Variants in PLS3 observed in about 807,000 individuals in gnomAD.
PLS3 encodes the protein plastin-3.
Under a neutral mutation model 46.5 loss-of-function variants are expected in PLS3, and 11 were observed. The observed-to-expected ratio is 0.24, with a 90% confidence interval of 0.15 to 0.39. PLS3 has a LOEUF of 0.39. Ranked by LOEUF, PLS3 falls within the 10% of genes least tolerant of loss-of-function variation. PLS3 has a pLI of 1.00. For missense variants in PLS3, 308 were observed against 461.8 expected (o/e 0.67, Z 3.05); for synonymous variants, 167 against 162.2 (o/e 1.03, Z -0.22).
intron 2 of PLS3, among the ~76,000 whole-genome samples, chrX:115,611,238 TG>T (rs782570486): frequency 8.8e-6 from 1 of 113,119 alleles, no homozygotes; most frequent in Non-Finnish European, 1.9e-5. Flanking sequence ...GTAGTAGCAG[TG>T]TACCTTGGGA....
Position 115,643,347 on chromosome X carries a change from T to C in PLS3, c.1022T>C (p.Leu341Pro). Residue 341 changes from leucine to proline, a missense_variant, in exon 10 of 16, where the codon CTT becomes CCT. By Grantham distance (98) the Leu-to-Pro change is moderately conservative (BLOSUM62 -3). This residue lies in a region of PLS3 where 271 missense variants were observed against 435.7 expected (regional missense o/e 0.62). Coordinates refer to ENST00000355899, the MANE Select transcript of PLS3 (RefSeq NM_005032.7). ...TDDLKRAESMLQQADKLGCRQ... is the reference protein window; with the variant it reads ...TDDLKRAESMPQQADKLGCRQ... ...GATTTGAAGAGAGCTGAGAGTATGC[T>C]TCAACAAGCAGATAAATTAGGTTGC... The C allele has an allele frequency of 8.3e-7, 1 of 1,201,154 alleles. No homozygotes were observed. The highest frequency in any genetic ancestry group is 1.1e-6 in the Non-Finnish European group (1 of 886,565).
At chrX:115,645,990 G>C (rs909125589) in intron 11 of PLS3, 82 bp from the exon 12 acceptor site, 3 of 528,291 alleles carry the variant, frequency 5.7e-6, no homozygotes, top group Non-Finnish European at 1.0e-5. Context: ...TATCTTGTTT[G>C]ACAATGTAGT....
intron 11 of PLS3, among the ~76,000 whole-genome samples, chrX:115,645,651 C>T (rs997298263): frequency 2.7e-5 from 3 of 111,511 alleles, no homozygotes; most frequent in Non-Finnish European, 3.8e-5. Context: ...TCAAAGATTT[C>T]CTGACTACCA....
chrX:115,632,811 C>T (rs1276892327), intron 5 of PLS3, among the ~76,000 whole-genome samples: 6 of 110,063 alleles, frequency 5.5e-5, no homozygotes, highest in Non-Finnish European at 1.1e-4. Context: ...GGCTCACTAC[C>T]GCCATGACCT....
intron 3 of PLS3, among the ~76,000 whole-genome samples, chrX:115,624,152 C>A (rs1256867443): frequency 9.9e-6 from 1 of 100,686 alleles, no homozygotes; most frequent in Non-Finnish European, 2.0e-5. Context: ...TCGCCTGAAC[C>A]AGGGAGTCGG....
chrX:115,593,746 T>C (rs1011660424), intron 1 of PLS3: 1 of 111,820 alleles, frequency 8.9e-6, no homozygotes, highest in East Asian at 2.8e-4. Flanking sequence ...ATTCCTGTTA[T>C]TTATTTGGGT....
chrX:115,627,814 G>A (rs1441043628), intron 3 of PLS3, among the ~76,000 whole-genome samples: 2 of 111,925 alleles, frequency 1.8e-5, no homozygotes, highest in East Asian at 5.6e-4. Flanking sequence ...GGTAAAGCTA[G>A]CACAGAATCA....
At chrX:115,604,592 A>G (rs2074473756) in intron 1 of PLS3, among the ~76,000 whole-genome samples, 1 of 111,892 alleles carries the variant, frequency 8.9e-6, no homozygotes, top group Non-Finnish European at 1.9e-5. Flanking sequence ...CTGTTAAAAC[A>G]TACTACAACC....
chrX:115,643,698 C>T (rs1291620461), intron 10 of PLS3, among the ~76,000 whole-genome samples, 190 bp downstream of exon 10: 1 of 112,074 alleles, frequency 8.9e-6, no homozygotes, highest in Admixed American at 9.5e-5. Flanking sequence ...AGGCCGGGCA[C>T]GGTGGCTCAC....
intron 1 of PLS3, among the ~76,000 whole-genome samples, chrX:115,586,248 G>A (rs1395749018): frequency 1.8e-5 from 2 of 108,411 alleles, no homozygotes; most frequent in East Asian, 5.9e-4. Context: ...GCCTCCCAAA[G>A]TGCTGAGATT....
intron 1 of PLS3, among the ~76,000 whole-genome samples, chrX:115,605,375 A>C (rs1216895618): frequency 2.7e-5 from 3 of 112,429 alleles, no homozygotes; most frequent in African/African-American, 9.7e-5. Flanking sequence ...TATATGTTTA[A>C]TGCACTGGAT....
At chrX:115,590,670 A>G (rs1556632964) in intron 1 of PLS3, among the ~76,000 whole-genome samples, 1 of 110,772 alleles carries the variant, frequency 9.0e-6, no homozygotes, top group Non-Finnish European at 1.9e-5. Context: ...AAATACAAAA[A>G]TTAGCCGGGC....
chrX:115,642,038 CT>C (rs782288958), intron 9 of PLS3, among the ~76,000 whole-genome samples: 847 of 65,685 alleles, frequency 0.013, 13 homozygotes, highest in African/African-American at 0.043. Flanking sequence ...TCTTTAGGGT[CT>C]TTTTTTTTTT....
chrX:115,594,670 A>T (rs868959431), intron 1 of PLS3, among the ~76,000 whole-genome samples: 162 of 97,960 alleles, frequency 1.7e-3, no homozygotes, highest in East Asian at 4.6e-3. Flanking sequence ...TCTCTCTCTC[A>T]CACACACACA....
intron 2 of PLS3, among the ~76,000 whole-genome samples, chrX:115,617,019 C>T (rs2074604125): frequency 9.0e-6 from 1 of 111,483 alleles, no homozygotes; most frequent in Admixed American, 9.6e-5. Context: ...GATATGTATT[C>T]GAAGTGACTC....
intron 2 of PLS3, among the ~76,000 whole-genome samples, chrX:115,612,276 A>T (rs924570373): frequency 1.8e-5 from 2 of 111,656 alleles, no homozygotes; most frequent in Non-Finnish European, 3.8e-5. Context: ...AAATTGTAGC[A>T]TATAAAATTT....
intron 2 of PLS3, chrX:115,610,721 A>G (rs782516044): frequency 3.2e-5 from 12 of 369,797 alleles, no homozygotes; most frequent in Non-Finnish European, 5.4e-5. Flanking sequence ...CCTCGAAAAC[A>G]TTAGATGATG....
intron 5 of PLS3, 83 bp downstream of exon 5, chrX:115,630,050 A>T: frequency 1.5e-6 from 1 of 664,254 alleles, no homozygotes; most frequent in Non-Finnish European, 2.2e-6. Context: ...CATGCTTGAC[A>T]GGTTCACCTC....
chrX:115,649,687 C>A lies in PLS3; in HGVS notation c.*126C>A. 1 of 576,276 alleles carries A rather than the reference C, an allele frequency of 1.7e-6. No individual in the cohort carries two copies. Among genetic ancestry groups the A allele is most frequent in the Non-Finnish European group, 2.7e-6 (1 of 371,661 alleles). 47.5% of individuals were successfully genotyped at this position (576,276 alleles called of 1,213,427 possible). On this transcript the variant is annotated 3_prime_UTR_variant, in exon 16 of 16. Transcript: ENST00000355899. ...TCAAAGGACTTTTCATTTTGATTAA[C>A]AGGACTAGCTTATCATGAGAGCCCT...
Sources: gnomAD v4.1 joint callset for allele counts (sites outside exome capture counted in the v4.1 genomes callset) on GRCh38, gnomAD v4.1.1 for gene constraint, gnomAD v4.1.1 regional missense constraint, MANE v1.5 for transcripts, NCBI Gene and HGNC (gene_info 2026-07-23, HGNC 2026-07-21) for gene names.